The following TRDN variants were observed in gnomAD, a reference collection of about 807,000 sequenced individuals.
TRDN encodes the protein triadin, also known as triadin in skeletal muscle.
A neutral mutation model predicts 149.7 loss-of-function variants in TRDN; 161 were observed. The ratio of observed to expected loss-of-function variants is 1.08; its 90% CI spans 0.95 to 1.23. The LOEUF is 1.23. Among genes scored for constraint, TRDN ranks in the 50% most tolerant of loss-of-function variants. The probability of loss-of-function intolerance (pLI) is 0.00; values close to 1 mark genes in which losing one functional copy is unlikely to be tolerated. For missense variants in TRDN, 896 were observed against 823.5 expected (o/e 1.09, Z -1.08); for synonymous variants, 294 against 250.5 (o/e 1.17, Z -1.64).
At chr6:123,290,974 T>C (rs972692223) in intron 24 of TRDN, among the ~76,000 whole-genome samples, 3 of 151,660 alleles carry the variant, frequency 2.0e-5, no homozygotes, top group Non-Finnish European at 4.4e-5. Context: ...CTGGCCAACA[T>C]GGTGAAACTC....
chr6:123,316,889 G>T (rs960230843), intron 23 of TRDN, among the ~76,000 whole-genome samples: 6 of 151,684 alleles, frequency 4.0e-5, no homozygotes, highest in Non-Finnish European at 8.9e-5. Context: ...AAGCAATTTT[G>T]TCTTTGACTA....
At chr6:123,251,087 G>A (rs1047453762) in intron 38 of TRDN, among the ~76,000 whole-genome samples, 4 of 152,112 alleles carry the variant, frequency 2.6e-5, no homozygotes, top group Non-Finnish European at 5.9e-5. Context: ...GTGGAATAGG[G>A]CAGCTTCCAA....
intron 24 of TRDN, among the ~76,000 whole-genome samples, chr6:123,294,624 G>T (rs1778129198): frequency 1.3e-5 from 2 of 152,158 alleles, no homozygotes; most frequent in Non-Finnish European, 2.9e-5. Flanking sequence ...TAATGCTGCT[G>T]TTAATCTAAC....
At chr6:123,576,131 T>C (rs894923554) in intron 1 of TRDN, among the ~76,000 whole-genome samples, 5 of 152,152 alleles carry the variant, frequency 3.3e-5, no homozygotes, top group Non-Finnish European at 5.9e-5. Flanking sequence ...TTTAAGAACA[T>C]AATTCCCAAT....
chr6:123,566,718 A>G (rs1782314727), intron 2 of TRDN, among the ~76,000 whole-genome samples: 1 of 152,228 alleles, frequency 6.6e-6, no homozygotes, highest in African/African-American at 2.4e-5. Context: ...ATTCATCATG[A>G]TAATACTAAT....
At chr6:123,264,625 C>A (rs1011273439) in intron 33 of TRDN, among the ~76,000 whole-genome samples, 1 of 151,876 alleles carries the variant, frequency 6.6e-6, no homozygotes, top group Non-Finnish European at 1.5e-5. Context: ...AGTTCTACTG[C>A]GAGTAAAATG....
intron 9 of TRDN, among the ~76,000 whole-genome samples, chr6:123,490,852 C>T (rs530621546): frequency 6.6e-6 from 1 of 152,252 alleles, no homozygotes; most frequent in East Asian, 1.9e-4. Flanking sequence ...CGCCTGTAAT[C>T]CCAGCACTTT....
chr6:123,490,679 C>T (rs769860133), intron 9 of TRDN, among the ~76,000 whole-genome samples: 37 of 152,172 alleles, frequency 2.4e-4, no homozygotes, highest in Non-Finnish European at 1.0e-4. Context: ...TTATAAAATT[C>T]ATGTGCCAAA....
chr6:123,369,933 C>T (rs1489843608), intron 19 of TRDN, among the ~76,000 whole-genome samples: 1 of 152,190 alleles, frequency 6.6e-6, no homozygotes, highest in Non-Finnish European at 1.5e-5. Context: ...CAGACAACCA[C>T]ATCCTTCAAT....
chr6:123,318,599 A>C (rs969029791), intron 23 of TRDN, among the ~76,000 whole-genome samples: 25 of 152,112 alleles, frequency 1.6e-4, no homozygotes, highest in Non-Finnish European at 3.1e-4. Flanking sequence ...AATTCCCACA[A>C]ATTTAAATCT....
intron 1 of TRDN, among the ~76,000 whole-genome samples, chr6:123,624,131 C>T (rs1785531767): frequency 1.3e-5 from 2 of 152,018 alleles, no homozygotes; most frequent in South Asian, 4.2e-4. Flanking sequence ...AAAATATATA[C>T]AAGTGATGTT....
rs1774973126 is a variant in TRDN at position 123,216,396 on chromosome 6, A to G, written c.*2205T>C. 6.6e-6 allele frequency: 1 copy of G among 152,092 alleles called. No homozygotes were observed. Among genetic ancestry groups the G allele is most frequent in the Admixed American group, 6.6e-5 (1 of 15,232 alleles). 9.4% of individuals were successfully genotyped at this position (152,092 alleles called of 1,614,324 possible). ...AATATATAAACAAATGACAGTTCAG[A>G]TAATATTTTTAAAGTGCTATGATCA... is the stretch of plus-strand genomic sequence containing the variant. On this transcript the variant is annotated 3_prime_UTR_variant, in exon 41 of 41. Transcript: ENST00000334268.
At chr6:123,318,980 C>G (rs1779140771) in intron 23 of TRDN, among the ~76,000 whole-genome samples, 1 of 151,952 alleles carries the variant, frequency 6.6e-6, no homozygotes, top group Non-Finnish European at 1.5e-5. Flanking sequence ...AGGACAAGTT[C>G]TTTTGGTGTA....
chr6:123,244,677 T>G (rs1776110680), intron 38 of TRDN, among the ~76,000 whole-genome samples: 1 of 152,128 alleles, frequency 6.6e-6, no homozygotes, highest in Non-Finnish European at 1.5e-5. Context: ...CACTTCATGA[T>G]ATTATCCAGG....
At chr6:123,385,430 A>C (rs1781873596) in intron 14 of TRDN, among the ~76,000 whole-genome samples, 1 of 151,112 alleles carries the variant, frequency 6.6e-6, no homozygotes, top group Admixed American at 6.6e-5. Flanking sequence ...TCTCAAAAAA[A>C]AAAAGAAAAA....
chr6:123,368,254 G>T (rs1247560601), intron 19 of TRDN, among the ~76,000 whole-genome samples: 1 of 152,014 alleles, frequency 6.6e-6, no homozygotes, highest in Non-Finnish European at 1.5e-5. Context: ...CAGTTCTTTT[G>T]AAGTACATGC....
intron 34 of TRDN, among the ~76,000 whole-genome samples, 165 bp downstream of exon 34, chr6:123,260,447 C>T (rs140930299): frequency 4.0e-5 from 6 of 151,770 alleles, no homozygotes; most frequent in African/African-American, 1.4e-4. Context: ...ATCATTTACT[C>T]CTTATAACAA....
chr6:123,289,156 T>C (rs1777910772), intron 24 of TRDN, among the ~76,000 whole-genome samples: 1 of 147,040 alleles, frequency 6.8e-6, no homozygotes. Flanking sequence ...TTATATATAA[T>C]ATATACACAC....
intron 13 of TRDN, among the ~76,000 whole-genome samples, chr6:123,390,287 C>A (rs1033654741): frequency 2.6e-5 from 4 of 152,142 alleles, no homozygotes; most frequent in Non-Finnish European, 5.9e-5. Flanking sequence ...GCCTCTGAAA[C>A]TTAAATTCCT....
Sources: allele counts gnomAD v4.1 joint callset (sites outside exome capture counted in the v4.1 genomes callset), GRCh38; gene constraint gnomAD v4.1.1; transcripts MANE v1.5; gene names NCBI Gene and HGNC (gene_info 2026-07-23, HGNC 2026-07-21).